Variants in SMC5 observed in about 807,000 individuals in gnomAD.
SMC5 encodes structural maintenance of chromosomes 5.
In SMC5, 88 loss-of-function variants were observed where a neutral mutation model predicts 148.3. The ratio of observed to expected loss-of-function variants is 0.59; its 90% CI spans 0.50 to 0.71. The LOEUF (loss-of-function observed/expected upper bound fraction) is 0.71, where lower values mean the gene tolerates loss of function less well. Ranked by LOEUF, SMC5 falls within the 30% of genes least tolerant of loss-of-function variation. The probability of loss-of-function intolerance (pLI) is 0.00; values close to 1 mark genes in which losing one functional copy is unlikely to be tolerated. For synonymous variants in SMC5, 421 were observed against 432.8 expected, an observed-to-expected ratio of 0.97 and a Z score of 0.34; for missense variants, 1,142 against 1,298.9, an observed-to-expected ratio of 0.88 and a Z score of 1.86.
At chr9:70,261,520 A>G (rs1384853720) in intron 1 of SMC5, among the ~76,000 whole-genome samples, 1 of 152,226 alleles carries the variant, frequency 6.6e-6, no homozygotes, top group Non-Finnish European at 1.5e-5. Flanking sequence ...TGAGGAGAAT[A>G]ATAAATGCCT....
intron 20 of SMC5, 115 bp downstream of exon 20, chr9:70,347,276 G>A (rs2036688811): frequency 1.4e-6 from 1 of 709,160 alleles, no homozygotes; most frequent in East Asian, 2.8e-5. Flanking sequence ...CTGTACTAGA[G>A]CTCTTGGTAA....
intron 8 of SMC5, among the ~76,000 whole-genome samples, chr9:70,293,561 T>C (rs1255600214): frequency 6.6e-6 from 1 of 152,192 alleles, no homozygotes; most frequent in African/African-American, 2.4e-5. Flanking sequence ...TTTCCTCTTA[T>C]GTATACACTT....
chr9:70,268,697 T>G lies in SMC5; in HGVS notation c.380+722T>G, dbSNP rs114844316. On this transcript the variant is annotated intron_variant, in intron 3 of 24. Coordinates refer to ENST00000361138, the MANE Select transcript of SMC5 (RefSeq NM_015110.4). ...GTGTATAATGTTGAAAATAAAAGCC[T>G]TCTTGCCATCATTCCTAATTCTATA... Among the ~76,000 whole-genome samples the G allele has an allele frequency of 6.7e-3, 1,027 of 152,180 alleles. 11 individuals carry two copies. The highest frequency in any genetic ancestry group is 0.023 in the African/African-American group (963 of 41,526).
At position 70,272,148 on chromosome 9, in the gene SMC5, G is replaced by A. The variant is rs1241744332; in HGVS notation, c.380+4173G>A. On this transcript the variant is annotated intron_variant, in intron 3 of 24. Coordinates refer to ENST00000361138, the MANE Select transcript of SMC5 (RefSeq NM_015110.4). ...GCTTATGAATTATATACAGAGTATG[G>A]GAGAAGGAGCAAGATATCAGGGAGG... Among the ~76,000 whole-genome samples, 4 of 152,116 alleles carry A rather than the reference G, an allele frequency of 2.6e-5. No homozygotes were observed. The South Asian group carries it at 6.2e-4, about 24-fold the overall frequency.
intron 4 of SMC5, 112 bp from the exon 5 acceptor site, chr9:70,278,379 A>C (rs986363133): frequency 2.7e-5 from 26 of 959,866 alleles, no homozygotes; most frequent in Non-Finnish European, 3.6e-5. Context: ...TTATATCTCA[A>C]ATGTTTTTTT....
chr9:70,271,094 A>G (rs943053772), intron 3 of SMC5, among the ~76,000 whole-genome samples: 1 of 152,146 alleles, frequency 6.6e-6, no homozygotes, highest in Non-Finnish European at 1.5e-5. Flanking sequence ...GAAATATGAA[A>G]CACCCCAATG....
intron 24 of SMC5, 72 bp downstream of exon 24, chr9:70,350,543 C>T: frequency 1.0e-6 from 1 of 1,002,392 alleles, no homozygotes; most frequent in Non-Finnish European, 1.5e-6. Flanking sequence ...CAGTTTTTGT[C>T]CCAACATGCA....
chr9:70,303,768 C>T (rs1293578350), intron 10 of SMC5, among the ~76,000 whole-genome samples: 1 of 152,184 alleles, frequency 6.6e-6, no homozygotes, highest in Non-Finnish European at 1.5e-5. Context: ...GAAAGGACGT[C>T]TGTCTGACCT....
At chr9:70,261,238 G>A (rs550033029) in intron 1 of SMC5, among the ~76,000 whole-genome samples, 3 of 152,328 alleles carry the variant, frequency 2.0e-5, no homozygotes, top group African/African-American at 7.2e-5. Context: ...ACATCATCCT[G>A]TAGGCAGCCA....
intron 3 of SMC5, among the ~76,000 whole-genome samples, chr9:70,273,656 T>C (rs2034510492): frequency 6.6e-6 from 1 of 152,194 alleles, no homozygotes; most frequent in East Asian, 1.9e-4. Flanking sequence ...ATATAGTATT[T>C]ACTGTTTTTC....
At chr9:70,297,188 T>C (rs983761823) in intron 8 of SMC5, among the ~76,000 whole-genome samples, 7 of 152,208 alleles carry the variant, frequency 4.6e-5, no homozygotes, top group African/African-American at 1.7e-4. Flanking sequence ...ACATACACCT[T>C]ATACACATAG....
At chr9:70,314,685 C>A in intron 11 of SMC5, 57 bp from the exon 12 acceptor site, 2 of 879,204 alleles carry the variant, frequency 2.3e-6, no homozygotes, top group South Asian at 2.4e-5. Flanking sequence ...AACTATAAAT[C>A]ATTTCAGTAG....
At chr9:70,311,388 T>C (rs1328499064) in intron 11 of SMC5, 2 of 152,204 alleles carry the variant, frequency 1.3e-5, no homozygotes, top group Admixed American at 1.3e-4. Context: ...TTAAGTTCAC[T>C]ATCTTACCTA....
At chr9:70,342,436 G>A (rs993052002) in intron 17 of SMC5, among the ~76,000 whole-genome samples, 2 of 152,092 alleles carry the variant, frequency 1.3e-5, no homozygotes, top group East Asian at 1.9e-4. Context: ...CCAGACCTCA[G>A]CCCCGGAGAT....
rs571381545 is a variant in SMC5, at chr9:70,276,209, A to G, written c.381-1101A>G. 3.9e-5 allele frequency among the ~76,000 whole-genome samples: 6 copies of G among 152,318 alleles called. No homozygotes were observed. The East Asian group carries it at 1.2e-3, about 29-fold the overall frequency. On this transcript the variant is annotated intron_variant, in intron 3 of 24. Coordinates refer to ENST00000361138, the MANE Select transcript of SMC5 (RefSeq NM_015110.4). ...TACAGTGAGGGTATATCGCTTAGATATGGCTTTCTATTGGACTGTCCACCT... is the reference window on the plus strand; with the variant it reads ...TACAGTGAGGGTATATCGCTTAGATGTGGCTTTCTATTGGACTGTCCACCT...
intron 11 of SMC5, among the ~76,000 whole-genome samples, chr9:70,308,053 A>T (rs1244814403): frequency 6.6e-6 from 1 of 152,104 alleles, no homozygotes; most frequent in Non-Finnish European, 1.5e-5. Flanking sequence ...TGCTGCTGGT[A>T]TCTCATTGCT....
At position 70,277,331 on chromosome 9, in the gene SMC5, T is replaced by C. The variant is rs2034619464; in HGVS notation, c.402T>C (p.Leu134=). The C allele has an allele frequency of 1.9e-6, 3 of 1,574,412 alleles. No individual in the cohort carries two copies. Among genetic ancestry groups the C allele is most frequent in the Non-Finnish European group, 2.6e-6 (3 of 1,162,914 alleles). ...EIELFRASGN[L]VITREIDVAK... The stretch of plus-strand genomic sequence containing the variant: ...TTAGGTTCAGGGCTTCTGGAAATCT[T>C]GTAATCACCCGTGAGATTGATGTGG... The change falls in exon 4 of 25, where the codon CTT becomes CTC. Residue 134 remains leucine, a synonymous_variant. Transcript: ENST00000361138.
Position 70,316,144 on chromosome 9 carries a change from C to A in SMC5, c.1806+566C>A, listed in dbSNP as rs1435001170. On this transcript the variant is annotated intron_variant, in intron 13 of 24. Coordinates refer to ENST00000361138, the MANE Select transcript of SMC5 (RefSeq NM_015110.4). ...TGCTAATGCTGTTGGGAATTTTATT[C>A]TTTAAAGCAATCTCTGTGACTCCAA... Among the ~76,000 whole-genome samples the A allele has an allele frequency of 2.0e-5, 3 of 151,946 alleles. No homozygotes were observed. The East Asian group carries it at 5.8e-4, about 29-fold the overall frequency.
Position 70,352,839 on chromosome 9 carries a change from A to G in SMC5, c.*508A>G, listed in dbSNP as rs990277324. ...TAGTCATTTCTTCCTATTAAAAAAG[A>G]TTACCTTATCTCCAGTAGGAAATGG... On this transcript the variant is annotated 3_prime_UTR_variant, in exon 25 of 25. Coordinates refer to ENST00000361138, the MANE Select transcript of SMC5 (RefSeq NM_015110.4). 6.6e-6 allele frequency: 1 copy of G among 152,168 alleles called. No individual in the cohort carries two copies. The highest frequency in any genetic ancestry group is 1.5e-5 in the Non-Finnish European group (1 of 68,044). The allele number at this position is 152,168 out of a possible 1,614,324, so 9.4% of individuals were successfully genotyped here.
Sources: gnomAD v4.1 joint callset for allele counts (sites outside exome capture counted in the v4.1 genomes callset) on GRCh38, gnomAD v4.1.1 for gene constraint, MANE v1.5 for transcripts, NCBI Gene and HGNC (gene_info 2026-07-23, HGNC 2026-07-21) for gene names.